The following TMEM132D variants were observed in gnomAD, a reference collection of about 807,000 sequenced individuals.
TMEM132D encodes the protein transmembrane protein 132D.
In TMEM132D, 21 loss-of-function variants were observed where a neutral mutation model predicts 62.3. That is an observed-to-expected ratio of 0.34 (90% CI 0.24 to 0.49). The LOEUF is 0.49. Ranked by LOEUF, TMEM132D falls within the 20% of genes least tolerant of loss-of-function variation. TMEM132D has a pLI of 0.99. For missense variants in TMEM132D, 1,346 were observed against 1,402.8 expected (o/e 0.96, Z 0.65); for synonymous variants, 621 against 575.6 (o/e 1.08, Z -1.13).
At chr12:129,247,411 G>A (rs1001630700) in intron 4 of TMEM132D, among the ~76,000 whole-genome samples, 4 of 152,152 alleles carry the variant, frequency 2.6e-5, no homozygotes, top group Admixed American at 6.5e-5. Context: ...CTCAGCACAC[G>A]ACAGTCTATC....
intron 5 of TMEM132D, among the ~76,000 whole-genome samples, chr12:129,092,773 G>A (rs556318411): frequency 6.6e-6 from 1 of 152,122 alleles, no homozygotes; most frequent in Non-Finnish European, 1.5e-5. Flanking sequence ...TACATGCAAG[G>A]TACTGTACTG....
At chr12:129,094,497 C>G (rs186960243) in intron 5 of TMEM132D, among the ~76,000 whole-genome samples, 4 of 152,106 alleles carry the variant, frequency 2.6e-5, no homozygotes, top group African/African-American at 9.7e-5. Context: ...ATCTTACACC[C>G]GTTAGAATGG....
intron 3 of TMEM132D, among the ~76,000 whole-genome samples, chr12:129,417,872 A>G (rs1872177473): frequency 6.6e-6 from 1 of 152,196 alleles, no homozygotes; most frequent in South Asian, 2.1e-4. Context: ...AACAAACCCC[A>G]TCAAACAATA....
At chr12:129,826,407 A>C (rs1002331023) in intron 1 of TMEM132D, among the ~76,000 whole-genome samples, 1 of 152,170 alleles carries the variant, frequency 6.6e-6, no homozygotes, top group Non-Finnish European at 1.5e-5. Flanking sequence ...AGACAGGGAG[A>C]AACAGCCCAC....
At position 129,383,204 on chromosome 12, in the gene TMEM132D, G is replaced by A. The variant is rs1303652447; in HGVS notation, c.1116-45387C>T. ...CTGCCTCTCTCCACATGCAACCTAC[G>A]TTCCAAATGTAAATTTGTATGTGTG... is the stretch of plus-strand genomic sequence containing the variant. On this transcript the variant is annotated intron_variant, in intron 3 of 8. Coordinates refer to ENST00000422113, the MANE Select transcript of TMEM132D (RefSeq NM_133448.3). 3.3e-5 allele frequency among the ~76,000 whole-genome samples: 5 copies of A among 152,094 alleles called. No individual in the cohort carries two copies. In the South Asian group the frequency reaches 6.2e-4, roughly 19 times the overall value.
intron 5 of TMEM132D, among the ~76,000 whole-genome samples, chr12:129,117,877 C>T (rs952815689): frequency 3.3e-5 from 5 of 152,128 alleles, no homozygotes; most frequent in Non-Finnish European, 7.3e-5. Flanking sequence ...TTGTTAATTA[C>T]TATTTGTCAT....
intron 4 of TMEM132D, among the ~76,000 whole-genome samples, chr12:129,267,610 A>G (rs1409814355): frequency 6.6e-6 from 1 of 152,222 alleles, no homozygotes; most frequent in Non-Finnish European, 1.5e-5. Context: ...ATACTGCCCA[A>G]GGTCATTTAT....
intron 5 of TMEM132D, among the ~76,000 whole-genome samples, chr12:129,145,441 C>T (rs1876867940): frequency 6.6e-6 from 1 of 152,262 alleles, no homozygotes; most frequent in East Asian, 1.9e-4. Context: ...GGTGCATTTG[C>T]TAGGAGAGGC....
intron 5 of TMEM132D, among the ~76,000 whole-genome samples, chr12:129,198,426 CAGAT>C (rs1374770889): frequency 6.4e-4 from 98 of 152,074 alleles, no homozygotes; most frequent in Admixed American, 6.3e-3. Context: ...TGTCCATCAA[CAGAT>C]GGATGGGTAA....
chr12:129,563,634 C>T (rs1877296060), intron 2 of TMEM132D, among the ~76,000 whole-genome samples: 1 of 152,100 alleles, frequency 6.6e-6, no homozygotes, highest in Admixed American at 6.5e-5. Context: ...CATCAAAGGT[C>T]AAATAAAGTT....
At chr12:129,341,664 C>G (rs149382372) in intron 3 of TMEM132D, among the ~76,000 whole-genome samples, 9 of 152,252 alleles carry the variant, frequency 5.9e-5, no homozygotes, top group African/African-American at 2.2e-4. Context: ...ATCCCAATAG[C>G]TGGAGAAAAA....
At chr12:129,581,067 G>A (rs753892381) in intron 2 of TMEM132D, among the ~76,000 whole-genome samples, 2 of 152,184 alleles carry the variant, frequency 1.3e-5, no homozygotes, top group Non-Finnish European at 2.9e-5. Flanking sequence ...CAGGGGTCAT[G>A]GTGGCTTGGT....
chr12:129,095,024 G>C (rs192364598), intron 5 of TMEM132D, among the ~76,000 whole-genome samples: 334 of 146,668 alleles, frequency 2.3e-3, no homozygotes, highest in African/African-American at 8.0e-3. Context: ...ACACACCAGG[G>C]CCTGTCGTGG....
chr12:129,628,008 A>T (rs1028645716), intron 2 of TMEM132D, among the ~76,000 whole-genome samples: 1 of 152,194 alleles, frequency 6.6e-6, no homozygotes, highest in African/African-American at 2.4e-5. Flanking sequence ...AATTTATATC[A>T]CACAAAAGAT....
chr12:129,135,930 C>A (rs1001044801), intron 5 of TMEM132D, among the ~76,000 whole-genome samples: 1 of 152,138 alleles, frequency 6.6e-6, no homozygotes, highest in African/African-American at 2.4e-5. Context: ...AAGGGCCCAC[C>A]TTATTGCAGT....
chr12:129,692,114 T>C (rs1881077396), intron 2 of TMEM132D, among the ~76,000 whole-genome samples: 1 of 151,988 alleles, frequency 6.6e-6, no homozygotes, highest in Non-Finnish European at 1.5e-5. Flanking sequence ...CAAAACCATA[T>C]GAAGACATTC....
At chr12:129,329,033 A>AATAT (rs201004813) in intron 4 of TMEM132D, among the ~76,000 whole-genome samples, 24 of 147,580 alleles carry the variant, frequency 1.6e-4, no homozygotes, top group African/African-American at 5.2e-4. Flanking sequence ...ATATGTAAAG[A>AATAT]ATATATATAT....
chr12:129,193,758 G>A lies in TMEM132D; in HGVS notation c.1443+15762C>T, dbSNP rs189281192. Among the ~76,000 whole-genome samples, 43 of 152,280 alleles carry A rather than the reference G, an allele frequency of 2.8e-4. No individual in the cohort carries two copies. In the East Asian group the frequency reaches 4.6e-3, roughly 16 times the overall value. On this transcript the variant is annotated intron_variant, in intron 5 of 8. Coordinates refer to ENST00000422113, the MANE Select transcript of TMEM132D (RefSeq NM_133448.3). ...GCAACTGCTACATACCAGGCCTTCT[G>A]GTAAGTCCAGGAATATAGAAATGAG...
chr12:129,114,978 T>C lies in TMEM132D; in HGVS notation c.1444-30276A>G, dbSNP rs539741700. 2.6e-5 allele frequency among the ~76,000 whole-genome samples: 4 copies of C among 152,358 alleles called. No individual in the cohort carries two copies. The South Asian group carries it at 6.2e-4, about 24-fold the overall frequency. The stretch of plus-strand genomic sequence containing the variant: ...CTGGCTATGACTGATAATGCTGCCA[T>C]GAACCATCCTGTACGTATTTTTTGA... On this transcript the variant is annotated intron_variant, in intron 5 of 8. Coordinates refer to ENST00000422113, the MANE Select transcript of TMEM132D (RefSeq NM_133448.3).
Sources: allele counts gnomAD v4.1 joint callset (sites outside exome capture counted in the v4.1 genomes callset), GRCh38; gene constraint gnomAD v4.1.1; transcripts MANE v1.5; gene names NCBI Gene and HGNC (gene_info 2026-07-23, HGNC 2026-07-21).